FAM83E: variants seen among roughly 807,000 people sequenced by gnomAD.
The protein encoded by FAM83E is scaffolding CK1 anchoring protein E.
A neutral mutation model predicts 34.3 loss-of-function variants in FAM83E; 29 were observed. That is an observed-to-expected ratio of 0.85 (90% CI 0.63 to 1.15). FAM83E has a LOEUF of 1.15. Among genes scored for constraint, FAM83E ranks in the 50% most tolerant of loss-of-function variants. FAM83E has a pLI of 0.00. For synonymous variants in FAM83E, 312 were observed against 311.6 expected, an observed-to-expected ratio of 1.00 and a Z score of -0.01; for missense variants, 697 against 685.0, an observed-to-expected ratio of 1.02 and a Z score of -0.20.
intron 6 of FAM83E, among the ~76,000 whole-genome samples, chr19:48,602,340 G>A (rs903587977): frequency 2.7e-5 from 4 of 150,920 alleles, no homozygotes; most frequent in African/African-American, 9.8e-5. Context: ...GGACAGAAAG[G>A]AGAGGGATGC....
In FAM83E at chr19:48,613,275, A is replaced by G; in HGVS notation, c.98T>C (p.Leu33Pro). Residue 33 changes from leucine (L) to proline (P), a missense_variant, in exon 3 of 7, where the codon CTG (leucine) becomes CCG (proline). Leu to Pro is a moderately conservative substitution (Grantham distance 98). Coordinates refer to ENST00000263266, the MANE Select transcript of FAM83E (RefSeq NM_017708.4). The stretch of plus-strand genomic sequence containing the variant: ...CTTGCTCAACAGAGCCTCCAGTGCC[A>G]GCCGCTGGCCCTCGGAATATAGAAA... ...PGFLYSEGQR[L>P]ALEALLSKGA... 4 of 1,609,690 alleles carry G rather than the reference A, an allele frequency of 2.5e-6. No homozygotes were observed. The highest frequency in any genetic ancestry group is 3.4e-6 in the Non-Finnish European group (4 of 1,179,688).
chr19:48,614,602 T>G lies in FAM83E; in HGVS notation c.-1230A>C, dbSNP rs1486917744. 1.0e-5 allele frequency: 10 copies of G among 986,124 alleles called. No individual in the cohort carries two copies. Among genetic ancestry groups the G allele is most frequent in the Non-Finnish European group, 1.2e-5 (10 of 830,618 alleles). The allele number at this position is 986,124 out of a possible 1,614,324, so 61.1% of individuals were successfully genotyped here. A position where few individuals can be genotyped will look rare whatever the true frequency, so the allele number is the denominator to read the frequency against. On this transcript the variant is annotated 5_prime_UTR_variant, in exon 3 of 7. Transcript: ENST00000263266. ...TTCCAATCCCACCAACCCAGGCCGC[T>G]GCTTCCTCCAGACCACAGCAGGGAG...
intron 5 of FAM83E, chr19:48,606,786 T>C: frequency 1.5e-6 from 1 of 645,960 alleles, no homozygotes; most frequent in Non-Finnish European, 2.6e-6. Flanking sequence ...CCCGCTCACC[T>C]CCATCCCCAG....
chr19:48,604,316 C>T (rs1173556059), intron 5 of FAM83E, among the ~76,000 whole-genome samples: 2 of 146,250 alleles, frequency 1.4e-5, no homozygotes, highest in East Asian at 2.0e-4. Context: ...ATCCCTTGAC[C>T]CTGGGATTTT....
chr19:48,607,643 G>T, intron 5 of FAM83E: 1 of 445,076 alleles, frequency 2.2e-6, no homozygotes. Flanking sequence ...TCCATTGGTA[G>T]CACTTTAGAG....
Position 48,610,856 on chromosome 19 carries a change from G to C in FAM83E, c.466-9C>G, listed in dbSNP as rs753903569. The C allele has an allele frequency of 7.6e-6, 12 of 1,586,694 alleles. No homozygotes were observed. Among genetic ancestry groups the C allele is most frequent in the Non-Finnish European group, 1.0e-5 (12 of 1,166,484 alleles). On this transcript the variant is annotated splice_polypyrimidine_tract_variant and intron_variant, in intron 3 of 6. Coordinates refer to ENST00000263266, the MANE Select transcript of FAM83E (RefSeq NM_017708.4). ...ATGACCACGGCCACCAGCTGGGCAT[G>C]GGGAGAGGGGCGGTGGGCTTGTGAA...
At chr19:48,609,735 C>T (rs886481384) in intron 5 of FAM83E, 141 bp downstream of exon 5, 131 of 971,892 alleles carry the variant, frequency 1.3e-4, no homozygotes, top group Non-Finnish European at 1.8e-4. Flanking sequence ...CAACCTCCTC[C>T]GCAGGGAAGA....
intron 5 of FAM83E, among the ~76,000 whole-genome samples, chr19:48,604,654 C>CAGTG (rs1321717236): frequency 6.7e-6 from 1 of 149,742 alleles, no homozygotes; most frequent in Admixed American, 6.7e-5. Context: ...ATTGAGGCTG[C>CAGTG]AGTGAGCCGT....
intron 4 of FAM83E, among the ~76,000 whole-genome samples, chr19:48,610,420 A>AT (rs940872834): frequency 1.3e-5 from 2 of 151,328 alleles, no homozygotes; most frequent in African/African-American, 4.9e-5. Context: ...AAAAAAAAAA[A>AT]AAAAGAAGTA....
chr19:48,603,392 T>C, intron 6 of FAM83E, 102 bp downstream of exon 6: 6 of 1,168,950 alleles, frequency 5.1e-6, no homozygotes, highest in Non-Finnish European at 6.7e-6. Flanking sequence ...AAACGCCTGC[T>C]CTGGCTGGGA....
chr19:48,608,070 G>A (rs1973968468), intron 5 of FAM83E, among the ~76,000 whole-genome samples: 1 of 152,182 alleles, frequency 6.6e-6, no homozygotes, highest in Admixed American at 6.5e-5. Context: ...TCCTGTTCCA[G>A]GCACGATGAA....
Position 48,607,510 on chromosome 19 carries a change from AG to A in FAM83E, c.758+2365del, listed in dbSNP as rs947325911. 4 of 1,026,460 alleles carry A rather than the reference AG, an allele frequency of 3.9e-6. No individual in the cohort carries two copies. In the Admixed American group the frequency reaches 1.2e-4, roughly 30 times the overall value. 63.6% of individuals were successfully genotyped at this position (1,026,460 alleles called of 1,614,324 possible). On this transcript the variant is annotated intron_variant, in intron 5 of 6. Transcript: ENST00000263266. ...GGCTGTCCACCAGGAGCCCGGTGCT[AG>A]GGGAAGCATCCCCAGGCCTGACTGA...
At chr19:48,602,707 ATATATATATATATATATATATAT>A (rs1973846566) in intron 6 of FAM83E, among the ~76,000 whole-genome samples, 14 of 29,158 alleles carry the variant, frequency 4.8e-4, no homozygotes, top group South Asian at 1.9e-3. Context: ...AAAAAAAAAT[ATATATATATATATATATATATAT>A]ATATATATAT....
intron 5 of FAM83E, among the ~76,000 whole-genome samples, chr19:48,605,505 G>C (rs1225722986): frequency 1.3e-5 from 2 of 152,188 alleles, no homozygotes; most frequent in Admixed American, 6.5e-5. Context: ...AGCCTGGGAA[G>C]TTGAGGCTGC....
At position 48,609,920 on chromosome 19, in the gene FAM83E, C is replaced by G. The variant is rs777754073; in HGVS notation, c.714G>C (p.Lys238Asn). 6.2e-7 allele frequency: 1 copy of G among 1,613,200 alleles called. No homozygotes were observed. Among genetic ancestry groups the G allele is most frequent in the Non-Finnish European group, 8.5e-7 (1 of 1,179,996 alleles). The change falls in exon 5 of 7, where the codon AAG (lysine) becomes AAC (asparagine). Residue 238 changes from lysine (K) to asparagine (N), a missense_variant. Transcript: ENST00000263266. ...CCCTCTCGCCGTCCAGCAGCACAAA[C>G]TTCTCCCGCACGGTGCCGCTCACCT... is the stretch of plus-strand genomic sequence containing the variant. ...RRQVSGTVRE[K>N]FVLLDGERVI...
chr19:48,614,770 A>C lies in FAM83E; in HGVS notation c.-1318T>G, dbSNP rs1974118683. 1.0e-6 allele frequency: 1 copy of C among 985,088 alleles called. No homozygotes were observed. Among genetic ancestry groups the C allele is most frequent in the Admixed American group, 6.2e-5 (1 of 16,220 alleles). 61.0% of individuals were successfully genotyped at this position (985,088 alleles called of 1,614,324 possible). ...CAGTGCCTGCTTTTTCCGAGAACGT[A>C]GGCTGTGGCTCCCCGGCTTCTACTT... On this transcript the variant is annotated 5_prime_UTR_variant, in exon 2 of 7. Transcript: ENST00000263266.
At position 48,609,991 on chromosome 19, in the gene FAM83E, C is replaced by T. The variant is rs778310926; in HGVS notation, c.643G>A (p.Val215Ile). The change falls in exon 5 of 7, where the codon GTC becomes ATC. Residue 215 changes from valine (V) to isoleucine (I), a missense_variant. Physicochemically the swap from Val to Ile is conservative, Grantham distance 29. Coordinates refer to ENST00000263266, the MANE Select transcript of FAM83E (RefSeq NM_017708.4). Reference protein sequence around the residue: ...VNPWNTENVDVRVVRGCSFQS... With the variant: ...VNPWNTENVDIRVVRGCSFQS... ...AAGCTGCAGCCCCGCACGACACGGA[C>T]ATCCACGTTCTGTTGGTGTGGGGAG... 11 of 1,611,868 alleles carry T rather than the reference C, an allele frequency of 6.8e-6. No homozygotes were observed. The African/African-American group carries it at 1.2e-4, about 18-fold the overall frequency.
At chr19:48,606,903 T>G (rs1004006337) in intron 5 of FAM83E, 7 of 1,529,072 alleles carry the variant, frequency 4.6e-6, no homozygotes, top group Non-Finnish European at 5.2e-6. Context: ...TCCTCAGAGG[T>G]CCTTCATTCA....
chr19:48,603,676 G>C lies in FAM83E; in HGVS notation c.994C>G (p.Leu332Val). 7.7e-7 allele frequency: 1 copy of C among 1,297,764 alleles called. No individual in the cohort carries two copies. The allele number at this position is 1,297,764 out of a possible 1,614,324, so 80.4% of individuals were successfully genotyped here. The change falls in exon 6 of 7, where the codon CTG (leucine) becomes GTG (valine). Residue 332 changes from leucine to valine, a missense_variant. Leu to Val is a conservative substitution (Grantham distance 32, BLOSUM62 1). Coordinates refer to ENST00000263266, the MANE Select transcript of FAM83E (RefSeq NM_017708.4). ...PASPPPPDGPLAHRLAACRVS... is the reference protein window; with the variant it reads ...PASPPPPDGPVAHRLAACRVS... Reference sequence around the variant, plus strand: ...CGGCAGGCGGCCAGGCGGTGGGCCAGCGGGCCGTCAGGCGGCGGAGGCGAC... The same window carrying C: ...CGGCAGGCGGCCAGGCGGTGGGCCACCGGGCCGTCAGGCGGCGGAGGCGAC...
Sources: allele counts gnomAD v4.1 joint callset (sites outside exome capture counted in the v4.1 genomes callset), GRCh38; gene constraint gnomAD v4.1.1; transcripts MANE v1.5; gene names NCBI Gene and HGNC (gene_info 2026-07-23, HGNC 2026-07-21).